RAP1GDS1: variants seen among roughly 807,000 people sequenced by gnomAD.
RAP1GDS1 encodes the protein Rap1 GTPase-GDP dissociation stimulator 1.
In RAP1GDS1, 35 loss-of-function variants were observed where a neutral mutation model predicts 71.1. The ratio of observed to expected loss-of-function variants is 0.49; its 90% CI spans 0.38 to 0.65. The LOEUF (loss-of-function observed/expected upper bound fraction) is 0.65, where lower values mean the gene tolerates loss of function less well. RAP1GDS1 is among the 30% of genes least tolerant of loss of function. The pLI, the probability that RAP1GDS1 is intolerant of heterozygous loss-of-function variation, is 0.00. For missense variants in RAP1GDS1, 663 were observed against 706.1 expected (o/e 0.94, Z 0.69); for synonymous variants, 229 against 243.1 (o/e 0.94, Z 0.54).
intron 2 of RAP1GDS1, among the ~76,000 whole-genome samples, chr4:98,309,712 C>T (rs1729923069): frequency 6.6e-6 from 1 of 151,720 alleles, no homozygotes; most frequent in African/African-American, 2.4e-5. Flanking sequence ...TAAAATACTA[C>T]GTTGTTTTCT....
intron 2 of RAP1GDS1, among the ~76,000 whole-genome samples, chr4:98,327,132 A>G (rs941549996): frequency 3.3e-5 from 5 of 152,098 alleles, no homozygotes; most frequent in African/African-American, 1.2e-4. Flanking sequence ...CCTAACTGAT[A>G]TATACAAATT....
At chr4:98,400,830 TTA>T (rs937939579) in intron 6 of RAP1GDS1, among the ~76,000 whole-genome samples, 5 of 152,064 alleles carry the variant, frequency 3.3e-5, no homozygotes, top group African/African-American at 1.2e-4. Context: ...TATACAATTA[TTA>T]TTTGTCAAAT....
chr4:98,424,994 G>A (rs1470286124), intron 12 of RAP1GDS1, among the ~76,000 whole-genome samples: 1 of 152,094 alleles, frequency 6.6e-6, no homozygotes, highest in South Asian at 2.1e-4. Flanking sequence ...GCAAAAGCAC[G>A]AGGTAACCTA....
At chr4:98,339,300 C>T (rs921316850) in intron 2 of RAP1GDS1, among the ~76,000 whole-genome samples, 8 of 152,176 alleles carry the variant, frequency 5.3e-5, no homozygotes, top group Admixed American at 3.3e-4. Context: ...CCTGCCTCAG[C>T]TCACACAGAT....
intron 12 of RAP1GDS1, among the ~76,000 whole-genome samples, chr4:98,430,950 T>C (rs1750308225): frequency 6.6e-6 from 1 of 152,200 alleles, no homozygotes; most frequent in African/African-American, 2.4e-5. Flanking sequence ...GTGCTGATGC[T>C]CTTAGGTAAA....
At chr4:98,363,198 A>G (rs145373693) in intron 4 of RAP1GDS1, among the ~76,000 whole-genome samples, 184 of 152,174 alleles carry the variant, frequency 1.2e-3, no homozygotes, top group African/African-American at 4.3e-3. Flanking sequence ...ATAGAAGTAG[A>G]GTAATTGAGC....
At chr4:98,360,165 C>G (rs1333113382) in intron 4 of RAP1GDS1, among the ~76,000 whole-genome samples, 1 of 152,132 alleles carries the variant, frequency 6.6e-6, no homozygotes, top group Non-Finnish European at 1.5e-5. Flanking sequence ...TGCTTGATTA[C>G]TTTCCAAATA....
chr4:98,329,809 A>AAT (rs1560847526), intron 2 of RAP1GDS1, among the ~76,000 whole-genome samples: 2 of 150,560 alleles, frequency 1.3e-5, no homozygotes, highest in Admixed American at 6.7e-5. Flanking sequence ...AAAAAAAAAA[A>AAT]AAGTGCCCAT....
At chr4:98,299,781 C>T (rs913929601) in intron 2 of RAP1GDS1, among the ~76,000 whole-genome samples, 2 of 151,842 alleles carry the variant, frequency 1.3e-5, no homozygotes, top group Non-Finnish European at 2.9e-5. Context: ...ACTACAGGCA[C>T]GCGCCACCAT....
At chr4:98,262,345 C>T (rs1722138132) in intron 1 of RAP1GDS1, among the ~76,000 whole-genome samples, 1 of 152,202 alleles carries the variant, frequency 6.6e-6, no homozygotes, top group South Asian at 2.1e-4. Context: ...CAGCTTCCTC[C>T]TGTCTAATCT....
At chr4:98,324,905 G>A (rs1178588554) in intron 2 of RAP1GDS1, among the ~76,000 whole-genome samples, 2 of 152,222 alleles carry the variant, frequency 1.3e-5, no homozygotes, top group East Asian at 3.9e-4. Flanking sequence ...GGCAACAAAA[G>A]CCAAAATTGA....
chr4:98,363,478 C>CAAAAAAAAAAAAAAAAAAA (rs34393905), intron 4 of RAP1GDS1, among the ~76,000 whole-genome samples: 29 of 37,728 alleles, frequency 7.7e-4, no homozygotes, highest in African/African-American at 2.5e-3. Context: ...GACCCTGTCT[C>CAAAAAAAAAAAAAAAAAAA]AAAAAAAAAA....
At chr4:98,412,703 G>A (rs1747248470) in intron 7 of RAP1GDS1, among the ~76,000 whole-genome samples, 1 of 152,148 alleles carries the variant, frequency 6.6e-6, no homozygotes, top group Non-Finnish European at 1.5e-5. Context: ...TTCCCTAAAT[G>A]TCGGCCCATC....
intron 1 of RAP1GDS1, among the ~76,000 whole-genome samples, chr4:98,266,097 T>G (rs1473477445): frequency 6.6e-6 from 1 of 152,138 alleles, no homozygotes; most frequent in African/African-American, 2.4e-5. Context: ...TTTTAAAATT[T>G]TAAATGTATT....
intron 3 of RAP1GDS1, 123 bp from the exon 4 acceptor site, chr4:98,352,353 C>T (rs1168962308): frequency 9.9e-6 from 10 of 1,014,862 alleles, no homozygotes; most frequent in Non-Finnish European, 1.3e-5. Flanking sequence ...AATATTCAGC[C>T]ACCTTTTCAA....
chr4:98,367,121 G>A (rs781753969), intron 4 of RAP1GDS1, among the ~76,000 whole-genome samples: 1 of 152,150 alleles, frequency 6.6e-6, no homozygotes, highest in African/African-American at 2.4e-5. Flanking sequence ...GCCGGGCCTA[G>A]GGCCTGCCTA....
At chr4:98,372,492 G>GT (rs1186890819) in intron 4 of RAP1GDS1, among the ~76,000 whole-genome samples, 1 of 152,004 alleles carries the variant, frequency 6.6e-6, no homozygotes, top group Non-Finnish European at 1.5e-5. Flanking sequence ...ATGCCACTTT[G>GT]TAAGTTTTTA....
At chr4:98,282,613 A>G (rs1255932245) in intron 1 of RAP1GDS1, among the ~76,000 whole-genome samples, 3 of 133,906 alleles carry the variant, frequency 2.2e-5, no homozygotes, top group South Asian at 2.3e-4. Flanking sequence ...TTATGTCTCT[A>G]TCTCCTTCGG....
At chr4:98,380,459 A>G (rs1030928153) in intron 5 of RAP1GDS1, among the ~76,000 whole-genome samples, 2 of 151,788 alleles carry the variant, frequency 1.3e-5, no homozygotes, top group Admixed American at 1.3e-4. Flanking sequence ...TAGAGTTTTT[A>G]TTGATCAAAT....
Sources: allele counts gnomAD v4.1 joint callset (sites outside exome capture counted in the v4.1 genomes callset), GRCh38; gene constraint gnomAD v4.1.1; transcripts MANE v1.5; gene names NCBI Gene and HGNC (gene_info 2026-07-23, HGNC 2026-07-21).